The following GRIK1 variants were observed in gnomAD, a reference collection of about 807,000 sequenced individuals.
The protein encoded by GRIK1 is glutamate receptor ionotropic, kainate 1.
A neutral mutation model predicts 105.7 loss-of-function variants in GRIK1; 69 were observed. That is an observed-to-expected ratio of 0.65 (90% CI 0.54 to 0.80). The LOEUF (loss-of-function observed/expected upper bound fraction) is 0.80, where lower values mean the gene tolerates loss of function less well. Ranked by LOEUF, GRIK1 falls within the 30% of genes least tolerant of loss-of-function variation. GRIK1 has a pLI of 0.00. For synonymous variants in GRIK1, 438 were observed against 431.3 expected (o/e 1.02, Z -0.19); for missense variants, 1,109 against 1,167.3 (o/e 0.95, Z 0.73).
At chr21:29,645,654 C>G (rs1198855036) in intron 6 of GRIK1, among the ~76,000 whole-genome samples, 1 of 152,136 alleles carries the variant, frequency 6.6e-6, no homozygotes, top group Non-Finnish European at 1.5e-5. Context: ...TATTATAGCA[C>G]TAATAAACTA....
intron 1 of GRIK1, among the ~76,000 whole-genome samples, chr21:29,885,312 A>G (rs528079747): frequency 6.6e-6 from 1 of 152,184 alleles, no homozygotes; most frequent in Non-Finnish European, 1.5e-5. Context: ...TTTTTAACTA[A>G]ATATAGGCAT....
At chr21:29,922,071 A>G (rs2071211846) in intron 1 of GRIK1, among the ~76,000 whole-genome samples, 1 of 152,172 alleles carries the variant, frequency 6.6e-6, no homozygotes, top group Non-Finnish European at 1.5e-5. Flanking sequence ...TAAGTTGGAC[A>G]ATGTGTTCAC....
At chr21:29,864,890 C>T (rs1199237290) in intron 1 of GRIK1, among the ~76,000 whole-genome samples, 2 of 152,124 alleles carry the variant, frequency 1.3e-5, no homozygotes, top group African/African-American at 4.8e-5. Flanking sequence ...TGTCTAAAGC[C>T]ATTATTGATG....
At chr21:29,779,096 G>A (rs2066020577) in intron 1 of GRIK1, among the ~76,000 whole-genome samples, 2 of 152,190 alleles carry the variant, frequency 1.3e-5, no homozygotes, top group Admixed American at 1.3e-4. Context: ...GGCAAGCTCA[G>A]CTTAAGGATG....
At chr21:29,926,441 A>G (rs1053228414) in intron 1 of GRIK1, among the ~76,000 whole-genome samples, 1 of 152,198 alleles carries the variant, frequency 6.6e-6, no homozygotes, top group African/African-American at 2.4e-5. Context: ...TATGAGAAAA[A>G]CAAAGTTGCA....
At chr21:29,848,904 C>T (rs967880704) in intron 1 of GRIK1, among the ~76,000 whole-genome samples, 1 of 151,074 alleles carries the variant, frequency 6.6e-6, no homozygotes, top group South Asian at 2.1e-4. Context: ...TTTATTCCAC[C>T]CTATTCAAAT....
rs2061327554 is a variant in GRIK1, at chr21:29,591,162, T to G, written c.1315A>C (p.Asn439His). 1.2e-6 allele frequency: 2 copies of G among 1,612,074 alleles called. No homozygotes were observed. The highest frequency in any genetic ancestry group is 1.7e-6 in the Non-Finnish European group (2 of 1,178,112). ...MTDSNKDKSS[N>H]ITDSLANRTL... is the part of the protein sequence containing the mutation. ...CTGTTGGCCAATGAATCAGTGATAT[T>G]GCTGGACTTGTCTTTGTTGCTGTCC... The change falls in exon 10 of 18, where the codon AAT (asparagine) becomes CAT (histidine). Residue 439 changes from asparagine (N) to histidine (H), a missense_variant. Physicochemically the swap from Asn to His is moderately conservative, Grantham distance 68. Transcript: ENST00000327783.
chr21:29,689,437 A>G (rs1568977205), intron 3 of GRIK1, among the ~76,000 whole-genome samples: 1 of 152,196 alleles, frequency 6.6e-6, no homozygotes, highest in Non-Finnish European at 1.5e-5. Flanking sequence ...AAATGAAAAT[A>G]CATGTTTAAT....
intron 1 of GRIK1, among the ~76,000 whole-genome samples, chr21:29,849,674 T>G (rs2068244323): frequency 6.6e-6 from 1 of 152,346 alleles, no homozygotes; most frequent in South Asian, 2.1e-4. Context: ...TTCTCTCTGC[T>G]TAACTCCTTG....
At chr21:29,543,679 C>T (rs2090006411) in intron 16 of GRIK1, among the ~76,000 whole-genome samples, 1 of 152,124 alleles carries the variant, frequency 6.6e-6, no homozygotes, top group Admixed American at 6.6e-5. Context: ...TGATTTGTGC[C>T]TGAGAGCTAA....
At position 29,902,578 on chromosome 21, in the gene GRIK1, A is replaced by T. The variant is rs191526395; in HGVS notation, c.118+36805T>A. ...AAAGAATCAAATACCTAGGAATACA[A>T]CTTACAAGAGATGTGAAGGACCTCT... On this transcript the variant is annotated intron_variant, in intron 1 of 17. Transcript: ENST00000327783. Among the ~76,000 whole-genome samples the T allele has an allele frequency of 5.9e-5, 9 of 152,290 alleles. No homozygotes were observed. The East Asian group carries it at 1.7e-3, about 29-fold the overall frequency.
intron 1 of GRIK1, among the ~76,000 whole-genome samples, chr21:29,780,294 A>G (rs1569084224): frequency 6.6e-6 from 1 of 152,232 alleles, no homozygotes; most frequent in Admixed American, 6.5e-5. Context: ...GGAACCACTA[A>G]GATTTATATA....
At chr21:29,695,055 G>A (rs1164476610) in intron 1 of GRIK1, among the ~76,000 whole-genome samples, 1 of 151,892 alleles carries the variant, frequency 6.6e-6, no homozygotes, top group African/African-American at 2.4e-5. Flanking sequence ...GAAGAAATAT[G>A]TCCCTTCACT....
Position 29,885,445 on chromosome 21 carries a change from C to CA in GRIK1, c.118+53937dup, listed in dbSNP as rs1198151334. Among the ~76,000 whole-genome samples, 4 of 151,948 alleles carry CA rather than the reference C, an allele frequency of 2.6e-5. No homozygotes were observed. In the South Asian group the frequency reaches 8.3e-4, roughly 32 times the overall value. On this transcript the variant is annotated intron_variant, in intron 1 of 17. Coordinates refer to ENST00000327783, the MANE Select transcript of GRIK1 (RefSeq NM_001330994.2). ...AAATAAATTCCTTCCTAGAGATCTG[C>CA]AAAAAAATCTTGTGATATAGAATTG...
chr21:29,885,694 A>C (rs1380317250), intron 1 of GRIK1, among the ~76,000 whole-genome samples: 2 of 152,122 alleles, frequency 1.3e-5, no homozygotes, highest in African/African-American at 4.8e-5. Flanking sequence ...CACTGTCAGC[A>C]ACATTTTTCT....
chr21:29,598,960 C>A (rs1225194701), intron 7 of GRIK1, 23 bp from the exon 8 acceptor site: 1 of 1,058,002 alleles, frequency 9.5e-7, no homozygotes, highest in Non-Finnish European at 1.4e-6. Flanking sequence ...AGAAATGTGG[C>A]TGTTATTGTT....
At chr21:29,908,430 C>T (rs1362763107) in intron 1 of GRIK1, among the ~76,000 whole-genome samples, 1 of 152,088 alleles carries the variant, frequency 6.6e-6, no homozygotes, top group Admixed American at 6.6e-5. Flanking sequence ...CCTGCTGGTG[C>T]TCTTCTTAGA....
chr21:29,657,642 A>T (rs898165161), intron 4 of GRIK1: 1 of 152,216 alleles, frequency 6.6e-6, no homozygotes. Flanking sequence ...GTCATTGATC[A>T]TTGGCCTGTC....
At chr21:29,876,422 G>A (rs879599773) in intron 1 of GRIK1, among the ~76,000 whole-genome samples, 1 of 152,010 alleles carries the variant, frequency 6.6e-6, no homozygotes, top group Admixed American at 6.6e-5. Flanking sequence ...CCCAAGTTCT[G>A]AATGCTGTAA....
Sources: allele counts gnomAD v4.1 joint callset (sites outside exome capture counted in the v4.1 genomes callset), GRCh38; gene constraint gnomAD v4.1.1; transcripts MANE v1.5; gene names NCBI Gene and HGNC (gene_info 2026-07-23, HGNC 2026-07-21).